The following NBDY variants were observed in gnomAD, a reference collection of about 807,000 sequenced individuals.
NBDY encodes the protein P-body dissociating protein.
At chrX:56,754,862 G>T (rs1382209541) in intron 2 of NBDY, among the ~76,000 whole-genome samples, 1 of 110,555 alleles carries the variant, frequency 9.0e-6, no homozygotes, top group Non-Finnish European at 1.9e-5. Flanking sequence ...ACAAAACAGA[G>T]AATAGAAAAA....
intron 2 of NBDY, among the ~76,000 whole-genome samples, chrX:56,740,802 A>T (rs1185721416): frequency 9.0e-6 from 1 of 111,152 alleles, no homozygotes; most frequent in Non-Finnish European, 1.9e-5. Flanking sequence ...ATACATGCAA[A>T]GTGTAATAAT....
chrX:56,739,238 G>GTATA (rs1198957018), intron 2 of NBDY, among the ~76,000 whole-genome samples: 742 of 59,595 alleles, frequency 0.012, 7 homozygotes, highest in Middle Eastern at 0.042. Context: ...GTTTGTGTGT[G>GTATA]TATATATATA....
At chrX:56,809,278 G>T (rs889149556) in intron 2 of NBDY, among the ~76,000 whole-genome samples, 3 of 111,709 alleles carry the variant, frequency 2.7e-5, no homozygotes, top group Non-Finnish European at 5.6e-5. Flanking sequence ...GGTTCACTTG[G>T]TCCAGAGCTG....
At chrX:56,754,441 T>C (rs1162445774) in intron 2 of NBDY, among the ~76,000 whole-genome samples, 1 of 111,667 alleles carries the variant, frequency 9.0e-6, no homozygotes, top group East Asian at 2.8e-4. Flanking sequence ...TCAAGTGCCA[T>C]GGAACATTCT....
At chrX:56,792,931 C>A (rs2069771791) in intron 2 of NBDY, among the ~76,000 whole-genome samples, 1 of 111,744 alleles carries the variant, frequency 8.9e-6, no homozygotes. Flanking sequence ...AGGGTAGGGG[C>A]AGAGAAAGTC....
At chrX:56,735,119 T>C (rs2069480605) in intron 2 of NBDY, among the ~76,000 whole-genome samples, 1 of 112,185 alleles carries the variant, frequency 8.9e-6, no homozygotes, top group African/African-American at 3.2e-5. Context: ...ACAGGACAGC[T>C]TTTGATAATA....
At chrX:56,787,511 G>A (rs966855923) in intron 2 of NBDY, among the ~76,000 whole-genome samples, 2 of 111,546 alleles carry the variant, frequency 1.8e-5, no homozygotes, top group African/African-American at 3.3e-5. Flanking sequence ...CCATTTATTG[G>A]GCAACTAAGG....
intron 2 of NBDY, among the ~76,000 whole-genome samples, chrX:56,798,411 G>T (rs1465271536): frequency 9.0e-6 from 1 of 111,574 alleles, no homozygotes; most frequent in Non-Finnish European, 1.9e-5. Context: ...GTGAAAGCCA[G>T]GACAGCCTGT....
At chrX:56,747,877 G>T (rs1213346469) in intron 2 of NBDY, among the ~76,000 whole-genome samples, 1 of 111,284 alleles carries the variant, frequency 9.0e-6, no homozygotes, top group South Asian at 3.8e-4. Context: ...TATCAATCAG[G>T]GTTCAACCAG....
intron 2 of NBDY, among the ~76,000 whole-genome samples, chrX:56,733,607 C>T (rs1012529568): frequency 2.7e-5 from 3 of 111,768 alleles, no homozygotes; most frequent in African/African-American, 9.8e-5. Context: ...TTCCATAGTG[C>T]TGGTGTGATG....
At chrX:56,790,373 G>A (rs762724768) in intron 2 of NBDY, among the ~76,000 whole-genome samples, 53 of 111,872 alleles carry the variant, frequency 4.7e-4, no homozygotes, top group South Asian at 1.1e-3. Flanking sequence ...CCACACTCAG[G>A]GGTGTGTGAA....
At chrX:56,760,484 G>C (rs780436808) in intron 2 of NBDY, among the ~76,000 whole-genome samples, 1 of 112,351 alleles carries the variant, frequency 8.9e-6, no homozygotes, top group African/African-American at 3.2e-5. Flanking sequence ...TCAGGAGCTC[G>C]AGACCAGCTT....
At chrX:56,813,446 C>G (rs913958269) in intron 2 of NBDY, among the ~76,000 whole-genome samples, 1 of 111,076 alleles carries the variant, frequency 9.0e-6, no homozygotes, top group African/African-American at 3.3e-5. Context: ...CCCACTCTCA[C>G]TCACACAGGC....
At chrX:56,800,707 C>G (rs1034601804) in intron 2 of NBDY, among the ~76,000 whole-genome samples, 2 of 111,295 alleles carry the variant, frequency 1.8e-5, no homozygotes, top group Non-Finnish European at 3.8e-5. Flanking sequence ...TTCTTCTTCA[C>G]TCTTTACTTT....
chrX:56,794,349 C>A (rs966513020), intron 2 of NBDY, among the ~76,000 whole-genome samples: 1 of 112,067 alleles, frequency 8.9e-6, no homozygotes, highest in Non-Finnish European at 1.9e-5. Flanking sequence ...TCTTCTTCTT[C>A]CCCCACTGTG....
At chrX:56,733,184 G>T (rs2069468854) in intron 2 of NBDY, among the ~76,000 whole-genome samples, 1 of 106,589 alleles carries the variant, frequency 9.4e-6, no homozygotes, top group Non-Finnish European at 2.0e-5. Context: ...TTTCTCTTAT[G>T]ATTTTTTTGA....
chrX:56,739,090 G>A (rs2069513383), intron 2 of NBDY, among the ~76,000 whole-genome samples: 1 of 105,529 alleles, frequency 9.5e-6, no homozygotes, highest in Non-Finnish European at 1.9e-5. Flanking sequence ...GCTGGGTGAA[G>A]ATTAGAGTAT....
At chrX:56,794,505 G>C (rs1179288938) in intron 2 of NBDY, among the ~76,000 whole-genome samples, 1 of 112,093 alleles carries the variant, frequency 8.9e-6, no homozygotes, top group Admixed American at 9.4e-5. Flanking sequence ...GCGGAAACCT[G>C]CAACAGTAGG....
intron 2 of NBDY, among the ~76,000 whole-genome samples, chrX:56,753,799 A>G (rs1243102462): frequency 9.0e-6 from 1 of 111,590 alleles, no homozygotes. Flanking sequence ...AGGGAAGGAA[A>G]AAAAAACATT....
Sources: allele counts gnomAD v4.1 joint callset (sites outside exome capture counted in the v4.1 genomes callset), GRCh38; gene constraint gnomAD v4.1.1; transcripts MANE v1.5; gene names NCBI Gene and HGNC (gene_info 2026-07-23, HGNC 2026-07-21).